The following MED14 variants were observed in gnomAD, a reference collection of about 807,000 sequenced individuals.
MED14 encodes the protein mediator of RNA polymerase II transcription subunit 14.
A neutral mutation model predicts 109.0 loss-of-function variants in MED14; 8 were observed. The ratio of observed to expected loss-of-function variants is 0.07; its 90% confidence interval spans 0.04 to 0.13. MED14 has a LOEUF of 0.13. Among genes scored for constraint, MED14 ranks in the 10% least tolerant of loss-of-function variants. The pLI is 1.00. For synonymous variants in MED14, 399 were observed against 408.7 expected, an observed-to-expected ratio of 0.98 and a Z score of 0.29; for missense variants, 711 against 1,142.4, an observed-to-expected ratio of 0.62 and a Z score of 5.44.
intron 24 of MED14, among the ~76,000 whole-genome samples, chrX:40,666,360 T>C (rs748756205): frequency 9.4e-6 from 1 of 106,165 alleles, no homozygotes; most frequent in East Asian, 3.0e-4. Flanking sequence ...ACAATTCATA[T>C]GTTAGGGTAC....
At chrX:40,728,008 T>C (rs890269002) in intron 2 of MED14, among the ~76,000 whole-genome samples, 2 of 111,928 alleles carry the variant, frequency 1.8e-5, no homozygotes, top group African/African-American at 3.2e-5. Flanking sequence ...TTATGACTCT[T>C]TGCCAGTGTC....
In MED14 at chrX:40,713,036, C is replaced by A; in HGVS notation, c.659G>T (p.Gly220Val). 1 of 1,164,377 alleles carries A rather than the reference C, an allele frequency of 8.6e-7. No individual in the cohort carries two copies. The highest frequency in any genetic ancestry group is 1.2e-6 in the Non-Finnish European group (1 of 867,192). The change falls in exon 6 of 31, where the codon GGC becomes GTC. Residue 220 changes from glycine (G) to valine (V), a missense_variant. By Grantham distance (109) the Gly-to-Val change is moderately radical. Coordinates refer to ENST00000324817, the MANE Select transcript of MED14 (RefSeq NM_004229.4). ...TCCTTCAACACGAAACTTCACCCGG[C>A]CATTTGCTTTTAGAAGAAAAAGATG... ...PQLANLTVAN[G>V]RVKFRVEGEF...
rs1344657031 is a variant in MED14, at chrX:40,720,050, T to C, written c.349-5340A>G. ...GAACAATCCCTCTAATTCTCATTGA[T>C]GGACTTTATCCCTGACATAAACACA... On this transcript the variant is annotated intron_variant, in intron 3 of 30. Transcript: ENST00000324817. Among the ~76,000 whole-genome samples, 6 of 111,977 alleles carry C rather than the reference T, an allele frequency of 5.4e-5. No individual in the cohort carries two copies. In the South Asian group the frequency reaches 1.9e-3, roughly 35 times the overall value.
At chrX:40,675,119 G>T in intron 22 of MED14, 102 bp downstream of exon 22, 1 of 775,642 alleles carries the variant, frequency 1.3e-6, no homozygotes, top group Non-Finnish European at 1.8e-6. Flanking sequence ...GGCATCTCAG[G>T]CCCACCAAGG....
At chrX:40,693,049 A>G (rs1245630695) in intron 13 of MED14, 147 bp from the exon 14 acceptor site, 6 of 435,164 alleles carry the variant, frequency 1.4e-5, no homozygotes, top group Non-Finnish European at 2.1e-5. Context: ...ATCAAAAAAA[A>G]GCATTCCTAG....
Position 40,651,719 on chromosome X carries a change from T to G in MED14, c.*87A>C. On this transcript the variant is annotated 3_prime_UTR_variant, in exon 31 of 31. Transcript: ENST00000324817. ...TAGCTCTTAAAGTTTAAAAAAAAAG[T>G]CCTTTTCCTTTTTTAAACTGAAGGC... The G allele has an allele frequency of 9.2e-7, 1 of 1,090,531 alleles. No individual in the cohort carries two copies. Among genetic ancestry groups the G allele is most frequent in the Non-Finnish European group, 1.2e-6 (1 of 839,086 alleles). 89.9% of individuals were successfully genotyped at this position (1,090,531 alleles called of 1,213,427 possible).
At chrX:40,702,739 T>C (rs1930999268) in intron 11 of MED14, among the ~76,000 whole-genome samples, 1 of 111,759 alleles carries the variant, frequency 8.9e-6, no homozygotes, top group African/African-American at 3.3e-5. Context: ...CCATCATAAA[T>C]GTGATGTCAT....
intron 5 of MED14, among the ~76,000 whole-genome samples, chrX:40,713,566 C>CTG: frequency 1.8e-5 from 2 of 111,915 alleles, no homozygotes; most frequent in Admixed American, 9.5e-5. Context: ...CCTCAGCCAC[C>CTG]CGAATAGCTG....
rs1452253005 is a variant in MED14 at position 40,713,761 on chromosome X, A to T, written c.652+17T>A. ...CCTGGCCATCAACTCTTAAAAAAAT[A>T]AATTTCAGATACATACCAACTGTAA... On this transcript the variant is annotated intron_variant, in intron 5 of 30. Coordinates refer to ENST00000324817, the MANE Select transcript of MED14 (RefSeq NM_004229.4). The T allele has an allele frequency of 8.3e-7, 1 of 1,209,426 alleles. No homozygotes were observed. The highest frequency in any genetic ancestry group is 3.0e-5 in the East Asian group (1 of 33,777).
At chrX:40,662,675 G>C (rs1274683511) in intron 26 of MED14, among the ~76,000 whole-genome samples, 1 of 112,137 alleles carries the variant, frequency 8.9e-6, no homozygotes, top group East Asian at 2.8e-4. Flanking sequence ...CCAGGTCCAT[G>C]TTAGCCATAT....
intron 25 of MED14, among the ~76,000 whole-genome samples, 164 bp downstream of exon 25, chrX:40,664,143 G>C (rs1264298882): frequency 9.0e-6 from 1 of 111,252 alleles, no homozygotes; most frequent in Non-Finnish European, 1.9e-5. Flanking sequence ...AGAGGGCATG[G>C]AAACTGCACT....
chrX:40,676,979 G>A (rs1225848810), intron 21 of MED14, among the ~76,000 whole-genome samples: 1 of 111,488 alleles, frequency 9.0e-6, no homozygotes, highest in Non-Finnish European at 1.9e-5. Flanking sequence ...TGGAAGTGGG[G>A]ATAAAAGTGG....
Position 40,695,554 on chromosome X carries a change from A to C in MED14, c.1650+1470T>G, listed in dbSNP as rs188283659. 2.1e-3 allele frequency among the ~76,000 whole-genome samples: 240 copies of C among 112,379 alleles called. 1 individual carries two copies. Among genetic ancestry groups the C allele is most frequent in the Non-Finnish European group, 4.0e-3 (212 of 53,220 alleles). On this transcript the variant is annotated intron_variant, in intron 13 of 30. Transcript: ENST00000324817. ...GGTCACTGACATTAAAGCGTGGTTA[A>C]ATGTCATAAAATAATAAATTATAAC... is the stretch of plus-strand genomic sequence containing the variant.
At chrX:40,733,403 A>G (rs1052970335) in intron 1 of MED14, among the ~76,000 whole-genome samples, 1 of 112,069 alleles carries the variant, frequency 8.9e-6, no homozygotes, top group African/African-American at 3.2e-5. Flanking sequence ...ACACCTGGCA[A>G]TTATCAACAC....
At position 40,679,816 on chromosome X, in the gene MED14, A is replaced by G. The variant is rs775697601; in HGVS notation, c.2880+48T>C. On this transcript the variant is annotated intron_variant, in intron 21 of 30. Transcript: ENST00000324817. ...ATTTCCCCCTCAAAGAAACTATTTTAGAGATAATTTTTATGTTTACTCATG... is the reference window on the plus strand; with the variant it reads ...ATTTCCCCCTCAAAGAAACTATTTTGGAGATAATTTTTATGTTTACTCATG... 3.6e-5 allele frequency: 41 copies of G among 1,143,956 alleles called. No individual in the cohort carries two copies. In the South Asian group the frequency reaches 7.0e-4, roughly 20 times the overall value. 94.3% of individuals were successfully genotyped at this position (1,143,956 alleles called of 1,213,427 possible). A position where few individuals can be genotyped will look rare whatever the true frequency, so the allele number is the denominator to read the frequency against.
intron 28 of MED14, among the ~76,000 whole-genome samples, chrX:40,655,320 G>T (rs757132068): frequency 9.0e-6 from 1 of 110,923 alleles, no homozygotes; most frequent in Non-Finnish European, 1.9e-5. Context: ...CTTCTGCAGG[G>T]TCTCTGACAT....
At chrX:40,721,749 G>A (rs1317275971) in intron 3 of MED14, among the ~76,000 whole-genome samples, 1 of 112,682 alleles carries the variant, frequency 8.9e-6, no homozygotes, top group East Asian at 2.8e-4. Flanking sequence ...CCTAGTGGTG[G>A]TGGCCATATG....
chrX:40,732,451 G>A (rs757420885), intron 1 of MED14, among the ~76,000 whole-genome samples: 5 of 108,607 alleles, frequency 4.6e-5, no homozygotes, highest in South Asian at 4.0e-4. Flanking sequence ...CCCGGGAGGC[G>A]GAGGCTGCAG....
intron 3 of MED14, among the ~76,000 whole-genome samples, chrX:40,719,823 A>G (rs1931653174): frequency 8.9e-6 from 1 of 112,322 alleles, no homozygotes; most frequent in Non-Finnish European, 1.9e-5. Flanking sequence ...AAGCTACTGA[A>G]AAAAATATCT....
Sources: allele counts gnomAD v4.1 joint callset (sites outside exome capture counted in the v4.1 genomes callset), GRCh38; gene constraint gnomAD v4.1.1; transcripts MANE v1.5; gene names NCBI Gene and HGNC (gene_info 2026-07-23, HGNC 2026-07-21).